MPHOSPH8: variants seen among roughly 807,000 people sequenced by gnomAD.
MPHOSPH8 encodes M-phase phosphoprotein 8, also known as M-phase phosphoprotein, mpp.
In MPHOSPH8, 45 loss-of-function variants were observed where a neutral mutation model predicts 87.3. The ratio of observed to expected loss-of-function variants is 0.52; its 90% CI spans 0.41 to 0.66. MPHOSPH8 has a LOEUF of 0.66. Among genes scored for constraint, MPHOSPH8 ranks in the 30% least tolerant of loss-of-function variants. The pLI is 0.00. For synonymous variants in MPHOSPH8, 366 were observed against 376.9 expected, an observed-to-expected ratio of 0.97 and a Z score of 0.33; for missense variants, 883 against 1,020.2, an observed-to-expected ratio of 0.87 and a Z score of 1.83.
chr13:19,661,914 A>C (rs1875552851), intron 8 of MPHOSPH8, 76 bp downstream of exon 8: 2 of 1,429,530 alleles, frequency 1.4e-6, no homozygotes, highest in Admixed American at 2.4e-5. Flanking sequence ...TCTCTTTGGT[A>C]GTGAAATATA....
At chr13:19,660,967 A>G in intron 7 of MPHOSPH8, 1 of 984,886 alleles carries the variant, frequency 1.0e-6, no homozygotes, top group Non-Finnish European at 1.2e-6. Flanking sequence ...AAAAGAAGAT[A>G]CAAAAATGAG....
chr13:19,665,648 C>G (rs1198978921), intron 9 of MPHOSPH8, among the ~76,000 whole-genome samples: 1 of 152,168 alleles, frequency 6.6e-6, no homozygotes, highest in Non-Finnish European at 1.5e-5. Context: ...TGTGGCGGCT[C>G]CTCCTAGGGC....
chr13:19,659,061 T>A lies in MPHOSPH8; in HGVS notation c.1643T>A (p.Phe548Tyr). The A allele has an allele frequency of 6.2e-7, 1 of 1,614,166 alleles. No homozygotes were observed. Among genetic ancestry groups the A allele is most frequent in the Non-Finnish European group, 8.5e-7 (1 of 1,180,026 alleles). Reference sequence around the variant, plus strand: ...TTGGAATGGATGAAGTTGGAAGATTTCCAAAAGCACCTTGATGGGAAAGAT... The same window carrying A: ...TTGGAATGGATGAAGTTGGAAGATTACCAAAAGCACCTTGATGGGAAAGAT... ...LQLEWMKLED[F>Y]QKHLDGKDEN... The change falls in exon 6 of 14, where the codon TTC becomes TAC. Residue 548 changes from phenylalanine (F) to tyrosine (Y), a missense_variant. Coordinates refer to ENST00000361479, the MANE Select transcript of MPHOSPH8 (RefSeq NM_017520.4).
intron 5 of MPHOSPH8, among the ~76,000 whole-genome samples, chr13:19,654,581 T>C (rs905265642): frequency 6.6e-6 from 1 of 152,134 alleles, no homozygotes; most frequent in African/African-American, 2.4e-5. Flanking sequence ...GCTCTAAAAA[T>C]AGACAAAGAA....
intron 5 of MPHOSPH8, among the ~76,000 whole-genome samples, chr13:19,656,734 T>TG (rs560096229): frequency 6.6e-6 from 1 of 151,980 alleles, no homozygotes. Flanking sequence ...CACTCCAGCC[T>TG]GGGGGACAAG....
intron 1 of MPHOSPH8, among the ~76,000 whole-genome samples, chr13:19,636,618 TATAGG>T (rs1318048583): frequency 2.2e-4 from 33 of 152,132 alleles, no homozygotes; most frequent in African/African-American, 8.0e-4. Context: ...TAGATGGGAC[TATAGG>T]TGTGCTCTAC....
intron 5 of MPHOSPH8, 117 bp from the exon 6 acceptor site, chr13:19,658,878 C>T (rs1875351748): frequency 1.6e-6 from 2 of 1,268,302 alleles, no homozygotes; most frequent in Non-Finnish European, 2.2e-6. Flanking sequence ...TATACAATGA[C>T]TTGTGTTAAA....
At chr13:19,639,069 C>T (rs766247382) in intron 1 of MPHOSPH8, among the ~76,000 whole-genome samples, 284 of 134,594 alleles carry the variant, frequency 2.1e-3, no homozygotes, top group Non-Finnish European at 1.8e-3. Context: ...GGCAACAGAG[C>T]GAGACTCCGT....
chr13:19,665,813 C>T lies in MPHOSPH8; in HGVS notation c.2020-612C>T, dbSNP rs144642066. On this transcript the variant is annotated intron_variant, in intron 9 of 13. Coordinates refer to ENST00000361479, the MANE Select transcript of MPHOSPH8 (RefSeq NM_017520.4). ...GAATTAAGGGACTTATCTGAAGTCACGTGGCTAATAAGTGACAGAGACAAG... is the reference window on the plus strand; with the variant it reads ...GAATTAAGGGACTTATCTGAAGTCATGTGGCTAATAAGTGACAGAGACAAG... Among the ~76,000 whole-genome samples the T allele has an allele frequency of 2.2e-4, 34 of 152,302 alleles. No individual in the cohort carries two copies. In the East Asian group the frequency reaches 4.8e-3, roughly 22 times the overall value.
intron 7 of MPHOSPH8, chr13:19,661,049 GGA>G: frequency 1.2e-6 from 1 of 815,104 alleles, no homozygotes; most frequent in Non-Finnish European, 1.5e-6. Context: ...CTTGAGCCCA[GGA>G]GTTTGAGACC....
intron 9 of MPHOSPH8, 71 bp downstream of exon 9, chr13:19,663,197 C>A: frequency 7.6e-7 from 1 of 1,308,858 alleles, no homozygotes; most frequent in Non-Finnish European, 1.1e-6. Context: ...TCTGCCACTG[C>A]CAGGCACTGT....
intron 9 of MPHOSPH8, among the ~76,000 whole-genome samples, chr13:19,664,871 C>T (rs556984704): frequency 5.9e-5 from 9 of 152,068 alleles, no homozygotes; most frequent in African/African-American, 1.4e-4. Flanking sequence ...CAACAGTGAC[C>T]GTAGCCATAG....
rs1168286008 is a variant in MPHOSPH8, at chr13:19,668,524, A to G, written c.2322A>G (p.Ile774Met). 6.2e-7 allele frequency: 1 copy of G among 1,612,968 alleles called. No individual in the cohort carries two copies. The highest frequency in any genetic ancestry group is 8.5e-7 in the Non-Finnish European group (1 of 1,179,658). ...TCAATTACAAACCCCCACAGAACAT[A>G]CCAGAAGGTAAGCCGATGCCTCCCT... is the stretch of plus-strand genomic sequence containing the variant. ...TDFNYKPPQN[I>M]PEGSGILLFI... Residue 774 changes from isoleucine (I) to methionine (M), a missense_variant, in exon 11 of 14, where the codon ATA becomes ATG. Coordinates refer to ENST00000361479, the MANE Select transcript of MPHOSPH8 (RefSeq NM_017520.4).
chr13:19,666,930 G>A (rs1302449964), intron 10 of MPHOSPH8, among the ~76,000 whole-genome samples: 3 of 152,168 alleles, frequency 2.0e-5, no homozygotes, highest in Admixed American at 2.0e-4. Flanking sequence ...GGGAGGCCGA[G>A]GCGGGTGGAT....
chr13:19,634,961 C>T (rs1397398159), intron 1 of MPHOSPH8, among the ~76,000 whole-genome samples: 2 of 152,114 alleles, frequency 1.3e-5, no homozygotes, highest in Non-Finnish European at 2.9e-5. Flanking sequence ...TACTGTATGC[C>T]AGGTGCTGTG....
intron 7 of MPHOSPH8, 21 bp downstream of exon 7, chr13:19,659,310 C>G: frequency 6.6e-7 from 1 of 1,520,678 alleles, no homozygotes; most frequent in Non-Finnish European, 9.0e-7. Flanking sequence ...GTTGAAAAAT[C>G]TCATGAAAGG....
At chr13:19,666,674 CAGAA>C in intron 10 of MPHOSPH8, 95 bp downstream of exon 10, 1 of 1,115,812 alleles carries the variant, frequency 9.0e-7, no homozygotes. Flanking sequence ...TGTAACTGCT[CAGAA>C]AAACATCCAG....
intron 13 of MPHOSPH8, among the ~76,000 whole-genome samples, chr13:19,671,563 C>G (rs987083401): frequency 6.6e-6 from 1 of 152,076 alleles, no homozygotes; most frequent in African/African-American, 2.4e-5. Flanking sequence ...ATGGAGTTGC[C>G]AAATGTATGT....
chr13:19,665,157 G>A (rs1875746414), intron 9 of MPHOSPH8, among the ~76,000 whole-genome samples: 1 of 152,062 alleles, frequency 6.6e-6, no homozygotes, highest in Non-Finnish European at 1.5e-5. Context: ...TCTTCCCTGA[G>A]CGGACATGTA....
Sources: gnomAD v4.1 joint callset for allele counts (sites outside exome capture counted in the v4.1 genomes callset) on GRCh38, gnomAD v4.1.1 for gene constraint, MANE v1.5 for transcripts, NCBI Gene and HGNC (gene_info 2026-07-23, HGNC 2026-07-21) for gene names.